Variants in B3GALT1 observed in about 807,000 individuals in gnomAD.
B3GALT1 encodes UDP-Gal:betaGlcNAc beta 1,3-galactosyltransferase, polypeptide 1.
B3GALT1 carries 10 observed loss-of-function variants against 23.2 expected under a neutral mutation model. The ratio of observed to expected loss-of-function variants is 0.43; its 90% CI spans 0.27 to 0.73. The LOEUF is 0.73. Ranked by LOEUF, B3GALT1 falls within the 30% of genes least tolerant of loss-of-function variation. The pLI, the probability that B3GALT1 is intolerant of heterozygous loss-of-function variation, is 0.21. For synonymous variants in B3GALT1, 156 were observed against 141.5 expected (o/e 1.10, Z -0.73); for missense variants, 299 against 405.4 (o/e 0.74, Z 2.25).
intron 3 of B3GALT1, among the ~76,000 whole-genome samples, chr2:167,801,770 A>T (rs1349703250): frequency 1.3e-5 from 2 of 152,198 alleles, no homozygotes; most frequent in Non-Finnish European, 2.9e-5. Context: ...ACCTGGAGTA[A>T]TTCAGCATGA....
At chr2:167,820,155 A>G (rs1689076229) in intron 4 of B3GALT1, among the ~76,000 whole-genome samples, 1 of 152,362 alleles carries the variant, frequency 6.6e-6, no homozygotes, top group African/African-American at 2.4e-5. Context: ...GCCTGCTGGT[A>G]TAAATAATAC....
chr2:167,313,572 C>T (rs1369327869), intron 1 of B3GALT1, among the ~76,000 whole-genome samples: 1 of 152,028 alleles, frequency 6.6e-6, no homozygotes, highest in African/African-American at 2.4e-5. Flanking sequence ...ATAAAGTGTC[C>T]CTCCAATACA....
chr2:167,541,305 ATTC>A (rs1053793318), intron 2 of B3GALT1, among the ~76,000 whole-genome samples: 1 of 152,094 alleles, frequency 6.6e-6, no homozygotes, highest in Non-Finnish European at 1.5e-5. Context: ...TTTCATTTCT[ATTC>A]TTCTCCTCAC....
chr2:167,337,332 T>A (rs944834878), intron 1 of B3GALT1, among the ~76,000 whole-genome samples: 6 of 151,906 alleles, frequency 3.9e-5, no homozygotes, highest in African/African-American at 1.5e-4. Context: ...CCTTTGCCAC[T>A]CTCTCCAAAT....
chr2:167,612,660 A>T (rs184916493), intron 2 of B3GALT1, among the ~76,000 whole-genome samples: 2 of 151,976 alleles, frequency 1.3e-5, no homozygotes, highest in East Asian at 3.9e-4. Flanking sequence ...TTTTCCAAAT[A>T]TTCTATAATT....
intron 4 of B3GALT1, among the ~76,000 whole-genome samples, chr2:167,823,534 T>C (rs1689150352): frequency 6.6e-6 from 1 of 152,244 alleles, no homozygotes; most frequent in African/African-American, 2.4e-5. Context: ...AACAATCTCA[T>C]AGGTGACTAA....
At chr2:167,613,399 A>T (rs1685104303) in intron 2 of B3GALT1, among the ~76,000 whole-genome samples, 1 of 151,632 alleles carries the variant, frequency 6.6e-6, no homozygotes, top group African/African-American at 2.4e-5. Context: ...TATTCATGGT[A>T]TGTATTGTTA....
intron 2 of B3GALT1, among the ~76,000 whole-genome samples, chr2:167,532,069 C>T (rs988216329): frequency 4.6e-5 from 7 of 152,072 alleles, no homozygotes; most frequent in African/African-American, 1.7e-4. Flanking sequence ...AATTGGATCT[C>T]ATTGTTGTTT....
intron 1 of B3GALT1, among the ~76,000 whole-genome samples, chr2:167,477,792 C>A (rs1326609122): frequency 1.3e-5 from 2 of 152,206 alleles, no homozygotes; most frequent in Admixed American, 6.5e-5. Flanking sequence ...CATCATTTCT[C>A]CTCAGACACA....
intron 3 of B3GALT1, among the ~76,000 whole-genome samples, chr2:167,778,447 A>T (rs1247660936): frequency 6.6e-6 from 1 of 152,150 alleles, no homozygotes; most frequent in African/African-American, 2.4e-5. Flanking sequence ...CTAAGATCCA[A>T]GTATTTAAAC....
At chr2:167,686,002 A>G (rs1185116341) in intron 3 of B3GALT1, among the ~76,000 whole-genome samples, 1 of 152,224 alleles carries the variant, frequency 6.6e-6, no homozygotes, top group African/African-American at 2.4e-5. Flanking sequence ...TAAGATCAAG[A>G]GTTATTTGCA....
intron 1 of B3GALT1, among the ~76,000 whole-genome samples, chr2:167,309,752 A>G (rs1336299015): frequency 6.6e-6 from 1 of 152,112 alleles, no homozygotes. Flanking sequence ...TATTTGACAA[A>G]GTTAATAATA....
At chr2:167,612,918 C>G (rs777256649) in intron 2 of B3GALT1, among the ~76,000 whole-genome samples, 2 of 151,892 alleles carry the variant, frequency 1.3e-5, no homozygotes, top group Non-Finnish European at 2.9e-5. Flanking sequence ...AAGAGTTTGT[C>G]AAAATTGATT....
intron 3 of B3GALT1, among the ~76,000 whole-genome samples, chr2:167,788,856 A>G (rs564815335): frequency 1.3e-5 from 2 of 152,210 alleles, no homozygotes; most frequent in Non-Finnish European, 2.9e-5. Flanking sequence ...CCAATAGAAC[A>G]GTTTCAAAGC....
chr2:167,607,896 G>T (rs1410716158), intron 2 of B3GALT1, among the ~76,000 whole-genome samples: 1 of 152,080 alleles, frequency 6.6e-6, no homozygotes, highest in Non-Finnish European at 1.5e-5. Context: ...ACACTCCTGT[G>T]GATTAATAAT....
At chr2:167,465,255 C>A (rs1030788867) in intron 1 of B3GALT1, among the ~76,000 whole-genome samples, 3 of 151,952 alleles carry the variant, frequency 2.0e-5, no homozygotes, top group African/African-American at 7.3e-5. Context: ...CAGTCTGTTG[C>A]CCATGGTGGA....
intron 1 of B3GALT1, among the ~76,000 whole-genome samples, chr2:167,294,830 C>G (rs558332897): frequency 1.7e-4 from 26 of 152,288 alleles, no homozygotes; most frequent in African/African-American, 5.3e-4. Flanking sequence ...TAATCTCTTT[C>G]ACTAGAGGGA....
intron 1 of B3GALT1, among the ~76,000 whole-genome samples, chr2:167,478,855 A>C (rs971304713): frequency 6.6e-6 from 1 of 152,076 alleles, no homozygotes; most frequent in Non-Finnish European, 1.5e-5. Context: ...GCTGAGAATG[A>C]TGGTTGTGTG....
intron 3 of B3GALT1, among the ~76,000 whole-genome samples, chr2:167,718,644 T>C (rs1687187650): frequency 6.6e-6 from 1 of 152,142 alleles, no homozygotes; most frequent in African/African-American, 2.4e-5. Context: ...CCTTCAAAAT[T>C]GAAGACCCAA....
Sources: gnomAD v4.1 joint callset for allele counts (sites outside exome capture counted in the v4.1 genomes callset) on GRCh38, gnomAD v4.1.1 for gene constraint, MANE v1.5 for transcripts, NCBI Gene and HGNC (gene_info 2026-07-23, HGNC 2026-07-21) for gene names.